SYT2: variants seen among roughly 807,000 people sequenced by gnomAD.
SYT2 encodes synaptotagmin-2.
In SYT2, 15 loss-of-function variants were observed where a neutral mutation model predicts 39.9. The ratio of observed to expected loss-of-function variants is 0.38; its 90% CI spans 0.25 to 0.58. The LOEUF is 0.58. Ranked by LOEUF, SYT2 falls within the 20% of genes least tolerant of loss-of-function variation. The pLI, the probability that SYT2 is intolerant of heterozygous loss-of-function variation, is 0.70. For synonymous variants in SYT2, 181 were observed against 204.5 expected (o/e 0.89, Z 0.98); for missense variants, 389 against 530.3 (o/e 0.73, Z 2.62).
intron 1 of SYT2, among the ~76,000 whole-genome samples, chr1:202,691,711 GAGA>G (rs1653825599): frequency 1.7e-5 from 1 of 57,614 alleles, no homozygotes; most frequent in African/African-American, 5.2e-5. Context: ...GAGGGAGAGG[GAGA>G]GGGAGAGGGA....
chr1:202,673,280 T>C (rs1036863532), intron 1 of SYT2, among the ~76,000 whole-genome samples: 2 of 152,204 alleles, frequency 1.3e-5, no homozygotes, highest in Admixed American at 1.3e-4. Context: ...CAAGACCCTG[T>C]GTGGCAGGTC....
intron 1 of SYT2, among the ~76,000 whole-genome samples, chr1:202,691,167 C>A (rs1424411047): frequency 6.6e-6 from 1 of 152,164 alleles, no homozygotes; most frequent in Non-Finnish European, 1.5e-5. Flanking sequence ...TAAATATTGC[C>A]TGAAATTTCC....
intron 1 of SYT2, among the ~76,000 whole-genome samples, chr1:202,695,034 T>G (rs1216368828): frequency 6.6e-6 from 1 of 152,146 alleles, no homozygotes; most frequent in Non-Finnish European, 1.5e-5. Flanking sequence ...CCATATTTAG[T>G]GTTTGAAAAT....
chr1:202,697,521 A>G (rs1348763694), intron 1 of SYT2, among the ~76,000 whole-genome samples: 2 of 152,258 alleles, frequency 1.3e-5, no homozygotes, highest in African/African-American at 2.4e-5. Context: ...ACCTCACGCA[A>G]GAAGGAAATG....
At chr1:202,634,182 A>G (rs1010334186) in intron 1 of SYT2, among the ~76,000 whole-genome samples, 1 of 152,250 alleles carries the variant, frequency 6.6e-6, no homozygotes, top group Non-Finnish European at 1.5e-5. Context: ...TCCATATGAA[A>G]TACTTAGAAC....
intron 1 of SYT2, among the ~76,000 whole-genome samples, chr1:202,621,045 T>C (rs1691190677): frequency 6.6e-6 from 1 of 152,166 alleles, no homozygotes; most frequent in Non-Finnish European, 1.5e-5. Context: ...CTTGTATGCT[T>C]CTATATTCAC....
intron 1 of SYT2, among the ~76,000 whole-genome samples, chr1:202,678,235 C>T (rs376408732): frequency 7.7e-6 from 1 of 129,296 alleles, no homozygotes; most frequent in African/African-American, 3.0e-5. Flanking sequence ...GATCGTGCCA[C>T]TGCACTCCAG....
intron 1 of SYT2, among the ~76,000 whole-genome samples, chr1:202,670,703 G>A (rs1041174238): frequency 6.6e-6 from 1 of 152,204 alleles, no homozygotes; most frequent in African/African-American, 2.4e-5. Context: ...GGGTGACTTA[G>A]GCCTCTCCAC....
In SYT2 at chr1:202,681,867, A is replaced by C. The variant is rs545964281; in HGVS notation, c.-18+28391T>G. Among the ~76,000 whole-genome samples the C allele has an allele frequency of 4.6e-5, 7 of 152,336 alleles. No individual in the cohort carries two copies. The East Asian group carries it at 7.7e-4, about 17-fold the overall frequency. ...ACTCAGGGTGCCTGGAGCAGATATA[A>C]GCAATGCTGCTTGCTTGAGAGCAAT... On this transcript the variant is annotated intron_variant, in intron 1 of 8. Transcript: ENST00000367268.
intron 1 of SYT2, among the ~76,000 whole-genome samples, chr1:202,709,461 G>A (rs953599345): frequency 1.3e-5 from 2 of 152,218 alleles, no homozygotes; most frequent in Admixed American, 6.5e-5. Context: ...TGCCCCAGAG[G>A]TGGGGGAAGG....
At chr1:202,677,010 C>T (rs929409060) in intron 1 of SYT2, among the ~76,000 whole-genome samples, 1 of 151,758 alleles carries the variant, frequency 6.6e-6, no homozygotes, top group Non-Finnish European at 1.5e-5. Context: ...CCTTTGTTCT[C>T]TCTCTCTCCT....
At chr1:202,640,786 G>C (rs369677970) in intron 1 of SYT2, among the ~76,000 whole-genome samples, 9,370 of 118,560 alleles carry the variant, frequency 0.079, 722 homozygotes, top group African/African-American at 0.22. Context: ...GAGAGAGAGA[G>C]AGAGAGACAG....
intron 1 of SYT2, among the ~76,000 whole-genome samples, chr1:202,653,405 G>C (rs1316810237): frequency 2.6e-5 from 4 of 152,118 alleles, no homozygotes; most frequent in Non-Finnish European, 5.9e-5. Context: ...GCACTGGCTG[G>C]TACTGTTCTC....
At position 202,599,260 on chromosome 1, in the gene SYT2, G is replaced by A; in HGVS notation, c.1011C>T (p.Phe337=). The change falls in exon 8 of 9, where the codon TTC becomes TTT. Residue 337 remains phenylalanine (F), a synonymous_variant. Coordinates refer to ENST00000367268, the MANE Select transcript of SYT2 (RefSeq NM_177402.5). This position sits in a 1 kb window ranked among gnomAD's most constrained non-coding sequence, Gnocchi z 4.4. ...TVKKKTLNPY[F]NESFSFEIPF... Reference sequence around the variant, plus strand: ...GGATCTCAAAGCTGAAGGACTCGTTGAAGTATGGGTTCAGGGTCTTCTTCT... The same window carrying A: ...GGATCTCAAAGCTGAAGGACTCGTTAAAGTATGGGTTCAGGGTCTTCTTCT... 2 of 1,612,968 alleles carry A rather than the reference G, an allele frequency of 1.2e-6. No individual in the cohort carries two copies. The highest frequency in any genetic ancestry group is 1.7e-6 in the Non-Finnish European group (2 of 1,179,606).
chr1:202,601,053 A>G lies in SYT2; in HGVS notation c.802-579T>C, dbSNP rs1264853618. Among the ~76,000 whole-genome samples, 1 of 152,206 alleles carries G rather than the reference A, an allele frequency of 6.6e-6. No homozygotes were observed. Among genetic ancestry groups the G allele is most frequent in the Non-Finnish European group, 1.5e-5 (1 of 68,032 alleles). On this transcript the variant is annotated intron_variant, in intron 6 of 8. Transcript: ENST00000367268. The surrounding 1 kb of genome is among the most constrained non-coding windows in gnomAD (Gnocchi z 4.0). ...TGCAACTCTTTGATGTAAACAAGAC[A>G]AGAATTCTTTGTAACCAATGAGAAA... is the stretch of plus-strand genomic sequence containing the variant.
intron 1 of SYT2, among the ~76,000 whole-genome samples, chr1:202,627,789 T>C (rs1200305512): frequency 1.3e-5 from 2 of 152,208 alleles, no homozygotes; most frequent in Non-Finnish European, 2.9e-5. Flanking sequence ...TCAGGCTCCA[T>C]GCTAAGTGCT....
chr1:202,599,072 C>T lies in SYT2; in HGVS notation c.1053+146G>A. On this transcript the variant is annotated intron_variant, in intron 8 of 8. Transcript: ENST00000367268. This position sits in a 1 kb window ranked among gnomAD's most constrained non-coding sequence, Gnocchi z 4.4. ...CCTGAAGCACTTGGGAAGGAGGCCC[C>T]ACCCAGGCACCATTAGACCTCGAGC... The T allele has an allele frequency of 9.2e-7, 1 of 1,082,884 alleles. No individual in the cohort carries two copies. The highest frequency in any genetic ancestry group is 1.3e-6 in the Non-Finnish European group (1 of 751,726). 67.1% of individuals were successfully genotyped at this position (1,082,884 alleles called of 1,614,324 possible). A position where few individuals can be genotyped will look rare whatever the true frequency, so the allele number is the denominator to read the frequency against.
chr1:202,598,780 G>C (rs546955458), intron 8 of SYT2, among the ~76,000 whole-genome samples: 63 of 152,324 alleles, frequency 4.1e-4, no homozygotes, highest in African/African-American at 1.5e-3. Flanking sequence ...TGGAGGGAGA[G>C]AGGAGAGGAA....
chr1:202,649,998 C>A (rs1692160791), intron 1 of SYT2, among the ~76,000 whole-genome samples: 2 of 152,228 alleles, frequency 1.3e-5, no homozygotes, highest in African/African-American at 2.4e-5. Flanking sequence ...TTCTCCATCC[C>A]CTCCGTAAGG....
Sources: gnomAD v4.1 joint callset for allele counts (sites outside exome capture counted in the v4.1 genomes callset) on GRCh38, gnomAD v4.1.1 for gene constraint, Gnocchi (gnomAD v3.1) non-coding constraint, MANE v1.5 for transcripts, NCBI Gene and HGNC (gene_info 2026-07-23, HGNC 2026-07-21) for gene names.